The following NAALADL2 variants were observed in gnomAD, a reference collection of about 807,000 sequenced individuals.
NAALADL2 encodes N-acetylated alpha-linked acidic dipeptidase like 2, also known as inactive N-acetylated-alpha-linked acidic dipeptidase-like protein 2.
In NAALADL2, 76 loss-of-function variants were observed where a neutral mutation model predicts 87.2. The observed-to-expected ratio is 0.87, with a 90% CI of 0.72 to 1.05. NAALADL2 has a LOEUF of 1.05. NAALADL2 is among the 50% of genes least tolerant of loss of function. The pLI is 0.00. For synonymous variants in NAALADL2, 354 were observed against 331.0 expected (o/e 1.07, Z -0.75); for missense variants, 1,089 against 945.8 (o/e 1.15, Z -1.99).
intron 2 of NAALADL2, among the ~76,000 whole-genome samples, chr3:175,160,039 G>A (rs1039373537): frequency 4.8e-4 from 71 of 147,556 alleles, no homozygotes; most frequent in South Asian, 4.3e-4. Context: ...GGGTTTCACC[G>A]TGCTGGCCAG....
chr3:175,607,042 T>G (rs909358813), intron 10 of NAALADL2, among the ~76,000 whole-genome samples: 3 of 152,214 alleles, frequency 2.0e-5, no homozygotes, highest in Non-Finnish European at 4.4e-5. Flanking sequence ...ATTCAATGAA[T>G]GTATGAAAGA....
intron 11 of NAALADL2, among the ~76,000 whole-genome samples, chr3:175,700,404 G>A (rs1738827494): frequency 6.6e-6 from 1 of 152,108 alleles, no homozygotes; most frequent in Admixed American, 6.6e-5. Flanking sequence ...AAAGGCTACT[G>A]CAGCAAATTT....
At chr3:174,458,784 A>G (rs1048771100) in intron 1 of NAALADL2, among the ~76,000 whole-genome samples, 5 of 152,206 alleles carry the variant, frequency 3.3e-5, no homozygotes, top group Non-Finnish European at 7.3e-5. Flanking sequence ...TGCCTTATGG[A>G]TGAAACCAAA....
intron 5 of NAALADL2, among the ~76,000 whole-genome samples, chr3:175,326,083 CA>C (rs1433794779): frequency 2.0e-5 from 3 of 152,348 alleles, no homozygotes; most frequent in African/African-American, 7.2e-5. Context: ...AGCCATGTAG[CA>C]CCTTGAACAC....
intron 3 of NAALADL2, among the ~76,000 whole-genome samples, chr3:174,789,719 T>TGTTG (rs1717237253): frequency 6.6e-6 from 1 of 152,220 alleles, no homozygotes; most frequent in East Asian, 1.9e-4. Context: ...CAGCAGCTAA[T>TGTTG]ATCATAGCAA....
At chr3:174,894,376 A>G (rs1731233233) in intron 1 of NAALADL2, among the ~76,000 whole-genome samples, 1 of 151,932 alleles carries the variant, frequency 6.6e-6, no homozygotes, top group South Asian at 2.1e-4. Context: ...GGATCACCTG[A>G]GGTCAGGAGT....
At chr3:174,452,924 C>A (rs1260529022) in intron 1 of NAALADL2, among the ~76,000 whole-genome samples, 3 of 152,134 alleles carry the variant, frequency 2.0e-5, no homozygotes, top group African/African-American at 7.2e-5. Context: ...GCGTTCTGAA[C>A]TGGGACTGAG....
At chr3:175,644,222 T>C (rs1270131526) in intron 11 of NAALADL2, among the ~76,000 whole-genome samples, 1 of 152,204 alleles carries the variant, frequency 6.6e-6, no homozygotes, top group Non-Finnish European at 1.5e-5. Context: ...TGAAAATATC[T>C]GCTCTCAGAT....
chr3:175,532,838 G>T (rs2149448020), intron 9 of NAALADL2, among the ~76,000 whole-genome samples: 1 of 152,258 alleles, frequency 6.6e-6, no homozygotes, highest in South Asian at 2.1e-4. Context: ...CAATTACAGG[G>T]CTCTTCAAAG....
intron 13 of NAALADL2, among the ~76,000 whole-genome samples, chr3:175,801,188 C>A (rs1480264110): frequency 6.6e-6 from 1 of 152,128 alleles, no homozygotes. Flanking sequence ...GTCTTTGTCA[C>A]CTTTCATCTG....
chr3:174,731,926 G>A (rs898154186), intron 2 of NAALADL2, among the ~76,000 whole-genome samples: 8 of 152,070 alleles, frequency 5.3e-5, no homozygotes, highest in Admixed American at 2.0e-4. Context: ...AAATATTTTA[G>A]GTTTGTGGGC....
intron 1 of NAALADL2, among the ~76,000 whole-genome samples, chr3:174,901,642 TTATC>T (rs72161949): frequency 0.013 from 2,038 of 152,220 alleles, 47 homozygotes; most frequent in African/African-American, 0.047. Flanking sequence ...AGTCAGCCCT[TTATC>T]TAGCCAGCTG....
At chr3:175,484,369 C>A (rs1285262599) in intron 9 of NAALADL2, among the ~76,000 whole-genome samples, 1 of 151,948 alleles carries the variant, frequency 6.6e-6, no homozygotes, top group Non-Finnish European at 1.5e-5. Context: ...TAACATAAAT[C>A]ATGTTTACAA....
chr3:175,313,836 A>T (rs1472963476), intron 4 of NAALADL2, among the ~76,000 whole-genome samples: 2 of 152,088 alleles, frequency 1.3e-5, no homozygotes, highest in Non-Finnish European at 2.9e-5. Flanking sequence ...AGGCCTAGGC[A>T]GGTGGATCAC....
intron 9 of NAALADL2, among the ~76,000 whole-genome samples, chr3:175,502,448 C>T (rs371677348): frequency 1.2e-4 from 18 of 152,254 alleles, no homozygotes; most frequent in African/African-American, 4.3e-4. Context: ...CTCACTGCTT[C>T]GATCTGGGAC....
intron 11 of NAALADL2, among the ~76,000 whole-genome samples, chr3:175,663,796 G>T (rs927888034): frequency 4.8e-4 from 73 of 151,958 alleles, no homozygotes; most frequent in African/African-American, 1.7e-3. Context: ...AGATAAATTT[G>T]AAAATTTGGA....
intron 11 of NAALADL2, among the ~76,000 whole-genome samples, chr3:175,731,162 A>G (rs372512133): frequency 9.8e-5 from 15 of 152,314 alleles, no homozygotes; most frequent in African/African-American, 3.4e-4. Flanking sequence ...TAGCAAAAAA[A>G]GTAGCACAGG....
chr3:175,104,117 C>T (rs970596567), intron 2 of NAALADL2, among the ~76,000 whole-genome samples: 3 of 152,084 alleles, frequency 2.0e-5, no homozygotes, highest in African/African-American at 7.2e-5. Flanking sequence ...TCTCCCTTTC[C>T]ACACCTGCCA....
intron 10 of NAALADL2, among the ~76,000 whole-genome samples, chr3:175,590,034 AG>A (rs1721164987): frequency 6.6e-6 from 1 of 151,796 alleles, no homozygotes; most frequent in Non-Finnish European, 1.5e-5. Context: ...AACACGGTGA[AG>A]CCCCATCTCT....
Sources: gnomAD v4.1 joint callset for allele counts (sites outside exome capture counted in the v4.1 genomes callset) on GRCh38, gnomAD v4.1.1 for gene constraint, MANE v1.5 for transcripts, NCBI Gene and HGNC (gene_info 2026-07-23, HGNC 2026-07-21) for gene names.